The following RGS6 variants were observed in gnomAD, a reference collection of about 807,000 sequenced individuals.
RGS6 encodes the protein regulator of G-protein signaling 6.
RGS6 carries 30 observed loss-of-function variants against 78.5 expected under a neutral mutation model. That is an observed-to-expected ratio of 0.38 (90% CI 0.29 to 0.52). The LOEUF (loss-of-function observed/expected upper bound fraction) is 0.52, where lower values mean the gene tolerates loss of function less well. Ranked by LOEUF, RGS6 falls within the 20% of genes least tolerant of loss-of-function variation. The pLI, the probability that RGS6 is intolerant of heterozygous loss-of-function variation, is 0.85. For missense variants in RGS6, 495 were observed against 609.7 expected (o/e 0.81, Z 1.98); for synonymous variants, 206 against 206.0 (o/e 1.00, Z 0.00).
intron 3 of RGS6, among the ~76,000 whole-genome samples, chr14:72,387,756 T>C (rs1295727966): frequency 1.3e-5 from 2 of 152,212 alleles, no homozygotes; most frequent in Non-Finnish European, 2.9e-5. Context: ...TTGCCAGCAC[T>C]GCCGTAACAA....
chr14:72,074,838 T>C (rs1278516503), intron 2 of RGS6, among the ~76,000 whole-genome samples: 1 of 152,212 alleles, frequency 6.6e-6, no homozygotes, highest in Non-Finnish European at 1.5e-5. Context: ...TTCTGTTTTT[T>C]CTTTAAACTA....
intron 2 of RGS6, among the ~76,000 whole-genome samples, chr14:72,349,456 G>A (rs1246526558): frequency 6.6e-6 from 1 of 152,142 alleles, no homozygotes; most frequent in Admixed American, 6.5e-5. Context: ...AAGGGAAAAG[G>A]TAGACACTGC....
At chr14:72,456,383 C>T (rs1441203676) in intron 4 of RGS6, among the ~76,000 whole-genome samples, 1 of 152,242 alleles carries the variant, frequency 6.6e-6, no homozygotes, top group Non-Finnish European at 1.5e-5. Flanking sequence ...CTTGACCTCC[C>T]TGGCCCAAGC....
In RGS6 at chr14:72,563,115, G is replaced by A. The variant is rs192592589; in HGVS notation, c.*648G>A. On this transcript the variant is annotated 3_prime_UTR_variant, in exon 18 of 18. Coordinates refer to ENST00000553525, the MANE Select transcript of RGS6 (RefSeq NM_001204424.2). ...TCCACCCTCTTTGAGATCAGCGTTC[G>A]GAGAGGTCCCCGCCAGCCCGGTGGC... 7.5e-4 allele frequency: 243 copies of A among 325,788 alleles called. 2 individuals are homozygous for A. Among genetic ancestry groups the A allele is most frequent in the African/African-American group, 4.1e-3 (195 of 47,758 alleles). The allele number at this position is 325,788 out of a possible 1,614,324, so 20.2% of individuals were successfully genotyped here.
chr14:72,311,959 G>A (rs1020091395), intron 2 of RGS6, among the ~76,000 whole-genome samples: 14 of 152,080 alleles, frequency 9.2e-5, no homozygotes, highest in Non-Finnish European at 4.4e-5. Flanking sequence ...TTTTCTTTAG[G>A]CAGCAATCTG....
At chr14:72,545,157 G>C (rs147417868) in intron 17 of RGS6, among the ~76,000 whole-genome samples, 6 of 152,248 alleles carry the variant, frequency 3.9e-5, no homozygotes, top group South Asian at 2.1e-4. Context: ...CTTTCCAAAG[G>C]GTTAGTTTTT....
At chr14:72,096,387 G>A (rs7157939) in intron 2 of RGS6, among the ~76,000 whole-genome samples, 13,427 of 152,108 alleles carry the variant, frequency 0.088, 1,637 homozygotes, top group African/African-American at 0.27. Flanking sequence ...TTATCTTTAG[G>A]TGATCATGGG....
At chr14:72,240,622 T>G (rs2052527561) in intron 2 of RGS6, among the ~76,000 whole-genome samples, 1 of 152,192 alleles carries the variant, frequency 6.6e-6, no homozygotes, top group Non-Finnish European at 1.5e-5. Context: ...ATTTTTCAAG[T>G]TGTATATTAA....
chr14:72,313,858 G>C (rs1167311692), intron 2 of RGS6, among the ~76,000 whole-genome samples: 2 of 152,174 alleles, frequency 1.3e-5, no homozygotes, highest in Non-Finnish European at 2.9e-5. Flanking sequence ...ATATTATTTT[G>C]CTGCCATGTA....
chr14:71,951,374 G>A (rs2092302498), intron 1 of RGS6, among the ~76,000 whole-genome samples: 1 of 152,068 alleles, frequency 6.6e-6, no homozygotes, highest in African/African-American at 2.4e-5. Context: ...TGTAGAGAGA[G>A]GGAGGGGAAA....
chr14:72,400,351 A>G (rs559302591), intron 3 of RGS6, among the ~76,000 whole-genome samples: 1 of 152,244 alleles, frequency 6.6e-6, no homozygotes, highest in Non-Finnish European at 1.5e-5. Flanking sequence ...TCACTTTTAT[A>G]TAGTATCAGT....
chr14:71,972,863 G>C (rs1053724033), intron 2 of RGS6, among the ~76,000 whole-genome samples: 3 of 152,088 alleles, frequency 2.0e-5, no homozygotes, highest in Admixed American at 2.0e-4. Context: ...ATAATGAGGA[G>C]GAATGAGGAG....
At chr14:71,873,056 G>A in the RGS6 span, among the ~76,000 whole-genome samples, 15 of 152,276 alleles carry the variant, frequency 9.9e-5, no homozygotes, top group African/African-American at 3.6e-4. Context: ...GGACATTTGG[G>A]TTGGTTTCAA....
chr14:72,385,546 T>C (rs1180112658), intron 3 of RGS6, among the ~76,000 whole-genome samples: 1 of 152,156 alleles, frequency 6.6e-6, no homozygotes, highest in Non-Finnish European at 1.5e-5. Flanking sequence ...GAATGCCTGT[T>C]TTCTTCTTTA....
chr14:72,473,314 G>T (rs983117991), intron 9 of RGS6, among the ~76,000 whole-genome samples: 7 of 152,176 alleles, frequency 4.6e-5, no homozygotes, highest in East Asian at 1.9e-4. Flanking sequence ...CGTGGTGGCA[G>T]GCACCTGTAG....
intron 15 of RGS6, among the ~76,000 whole-genome samples, chr14:72,525,513 C>T (rs17116887): frequency 6.6e-6 from 1 of 152,188 alleles, no homozygotes; most frequent in South Asian, 2.1e-4. Flanking sequence ...CCGCCATGAG[C>T]AGACAAGAAG....
At chr14:71,905,664 A>G in the RGS6 span, among the ~76,000 whole-genome samples, 1 of 152,004 alleles carries the variant, frequency 6.6e-6, no homozygotes, top group Non-Finnish European at 1.5e-5. Context: ...TAATTTTTGT[A>G]TTTTTAGTAG....
At chr14:72,271,440 C>CACG (rs2059921006) in intron 2 of RGS6, among the ~76,000 whole-genome samples, 1 of 152,146 alleles carries the variant, frequency 6.6e-6, no homozygotes, top group Non-Finnish European at 1.5e-5. Context: ...TGAGTCCCTC[C>CACG]ACGACACATG....
At chr14:72,206,868 A>C (rs2042844020) in intron 2 of RGS6, among the ~76,000 whole-genome samples, 1 of 152,076 alleles carries the variant, frequency 6.6e-6, no homozygotes, top group African/African-American at 2.4e-5. Context: ...TATATATAAA[A>C]TACATGTACA....
Sources: gnomAD v4.1 joint callset for allele counts (sites outside exome capture counted in the v4.1 genomes callset) on GRCh38, gnomAD v4.1.1 for gene constraint, MANE v1.5 for transcripts, NCBI Gene and HGNC (gene_info 2026-07-23, HGNC 2026-07-21) for gene names.